Variants in GRM4 observed in about 807,000 individuals in gnomAD.
GRM4 encodes the protein metabotropic glutamate receptor 4.
In GRM4, 28 loss-of-function variants were observed where a neutral mutation model predicts 81.7. That is an observed-to-expected ratio of 0.34 (90% confidence interval 0.25 to 0.47). GRM4 has a LOEUF of 0.47. GRM4 is among the 20% of genes least tolerant of loss of function. GRM4 has a pLI of 1.00. For missense variants in GRM4, 948 were observed against 1,290.0 expected, an observed-to-expected ratio of 0.73 and a Z score of 4.06; for synonymous variants, 488 against 528.8, an observed-to-expected ratio of 0.92 and a Z score of 1.06.
chr6:34,135,115 A>C (rs1465330955), intron 1 of GRM4, among the ~76,000 whole-genome samples: 1 of 152,122 alleles, frequency 6.6e-6, no homozygotes, highest in Non-Finnish European at 1.5e-5. Flanking sequence ...TTGGAAGAGG[A>C]GCTTGTGTTG....
chr6:34,098,205 A>G (rs12206652), intron 2 of GRM4, among the ~76,000 whole-genome samples: 37,521 of 152,154 alleles, frequency 0.25, 5,034 homozygotes, highest in Admixed American at 0.31. Context: ...CAAATGCTAG[A>G]TATTCTTATT....
Position 34,092,038 on chromosome 6 carries a change from A to T in GRM4, c.581T>A (p.Phe194Tyr). The change falls in exon 3 of 11, where the codon TTC becomes TAC. Residue 194 changes from phenylalanine (F) to tyrosine (Y), a missense_variant. Coordinates refer to ENST00000538487, the MANE Select transcript of GRM4 (RefSeq NM_000841.4). The surrounding 1 kb of genome is among the most constrained non-coding windows in gnomAD (Gnocchi z 6.8). Reference protein sequence around the residue: ...PDLSDNSRYDFFSRVVPSDTY... With the variant: ...PDLSDNSRYDYFSRVVPSDTY... ...GTCCGAGGGCACCACGCGGGAGAAG[A>T]AGTCGTAGCGGCTGTTGTCACTCAG... 1.2e-6 allele frequency: 2 copies of T among 1,614,014 alleles called. No individual in the cohort carries two copies. Among genetic ancestry groups the T allele is most frequent in the Non-Finnish European group, 1.7e-6 (2 of 1,179,888 alleles).
rs576422783 is a variant in GRM4 at position 34,074,186 on chromosome 6, G to A, written c.737-12158C>T. Among the ~76,000 whole-genome samples, 112 of 152,244 alleles carry A rather than the reference G, an allele frequency of 7.4e-4. 6 individuals carry two copies. In the South Asian group the frequency reaches 0.023, roughly 31 times the overall value. On this transcript the variant is annotated intron_variant, in intron 3 of 10. Coordinates refer to ENST00000538487, the MANE Select transcript of GRM4 (RefSeq NM_000841.4). The surrounding 1 kb of genome is among the most constrained non-coding windows in gnomAD (Gnocchi z 4.9). ...CCAGACTAGTGTGATATGAGGAAGC[G>A]GAGTCTGGGCACAGACAGGGGCATG...
At chr6:34,044,053 T>C (rs1319063072) in intron 6 of GRM4, among the ~76,000 whole-genome samples, 3 of 149,964 alleles carry the variant, frequency 2.0e-5, no homozygotes, top group Admixed American at 2.0e-4. Flanking sequence ...CACATAGACA[T>C]ACATACATAC....
At chr6:34,142,674 C>G (rs982347504) in intron 1 of GRM4, among the ~76,000 whole-genome samples, 1 of 152,218 alleles carries the variant, frequency 6.6e-6, no homozygotes, top group Non-Finnish European at 1.5e-5. Context: ...GGCTAGCACA[C>G]TGCTCAGTTC....
At chr6:34,077,076 G>A (rs1262987860) in intron 3 of GRM4, among the ~76,000 whole-genome samples, 2 of 152,104 alleles carry the variant, frequency 1.3e-5, no homozygotes, top group Non-Finnish European at 2.9e-5. Context: ...GACATTTGGA[G>A]TGGGACAGCT....
At chr6:34,094,527 G>A (rs1768407250) in intron 2 of GRM4, among the ~76,000 whole-genome samples, 1 of 152,156 alleles carries the variant, frequency 6.6e-6, no homozygotes. Flanking sequence ...GTCTGAAAAT[G>A]GTATTAGAGT....
At chr6:34,138,821 G>A (rs773151631) in intron 1 of GRM4, among the ~76,000 whole-genome samples, 7 of 152,308 alleles carry the variant, frequency 4.6e-5, no homozygotes, top group Middle Eastern at 3.4e-3. Context: ...AATGAATGAC[G>A]TGATGTGAGC....
At chr6:34,155,391 C>T (rs1392620192) in exon 1 of GRM4, 5 of 1,489,290 alleles carry the variant, frequency 3.4e-6, no homozygotes, top group Non-Finnish European at 4.5e-6. Context: ...AAGCCGGCAT[C>T]CTCCCACTCT....
At chr6:34,150,402 A>G (rs1054930173), upstream of GRM4, among the ~76,000 whole-genome samples, 9 of 143,010 alleles carry the variant, frequency 6.3e-5, no homozygotes, top group Admixed American at 1.4e-4. Flanking sequence ...CAGGACAGAG[A>G]GTTAGAGGCT....
At chr6:34,066,540 CTT>C (rs1336796325) in intron 3 of GRM4, among the ~76,000 whole-genome samples, 1 of 151,886 alleles carries the variant, frequency 6.6e-6, no homozygotes, top group Admixed American at 6.6e-5. Flanking sequence ...GGGCGGGAGA[CTT>C]TGTCCGTTGT....
intron 8 of GRM4, among the ~76,000 whole-genome samples, chr6:34,039,111 G>A (rs1293014214): frequency 1.3e-5 from 2 of 152,148 alleles, no homozygotes; most frequent in Non-Finnish European, 2.9e-5. Context: ...TGTGCCCATC[G>A]CTCTCCACAC....
chr6:34,072,994 CAT>C (rs1703073381), intron 3 of GRM4, among the ~76,000 whole-genome samples: 1 of 44,536 alleles, frequency 2.2e-5, no homozygotes, highest in Admixed American at 2.4e-4. Flanking sequence ...CACACACACA[CAT>C]CACACAGATA....
At chr6:34,028,815 C>T (rs776791245) in intron 9 of GRM4, among the ~76,000 whole-genome samples, 1 of 152,120 alleles carries the variant, frequency 6.6e-6, no homozygotes, top group Non-Finnish European at 1.5e-5. Context: ...AGAGGAGCAC[C>T]CCTTGGTGCT....
Position 34,038,832 on chromosome 6 carries a change from C to G in GRM4, c.1506+1346G>C, listed in dbSNP as rs537327170. 8.5e-5 allele frequency among the ~76,000 whole-genome samples: 13 copies of G among 152,352 alleles called. 1 individual carries two copies. Among genetic ancestry groups the G allele is most frequent in the East Asian group, 5.8e-4 (3 of 5,188 alleles). ...AGGGGACTTTCAGGGGAAGGGCCCA[C>G]TGCCACCCACACGTGCCCAGTCCCT... On this transcript the variant is annotated intron_variant, in intron 8 of 10. Transcript: ENST00000538487.
At chr6:34,085,818 G>A (rs1269303590) in intron 3 of GRM4, among the ~76,000 whole-genome samples, 1 of 152,214 alleles carries the variant, frequency 6.6e-6, no homozygotes, top group African/African-American at 2.4e-5. Context: ...GGACTGGAGA[G>A]TAGGACGGAG....
intron 1 of GRM4, among the ~76,000 whole-genome samples, chr6:34,143,632 CAGAG>C (rs1358151037): frequency 5.3e-5 from 8 of 152,244 alleles, no homozygotes; most frequent in African/African-American, 1.9e-4. Flanking sequence ...CATGCAGAAC[CAGAG>C]CCTGAGGTTC....
chr6:34,078,288 C>G lies in GRM4; in HGVS notation c.736+13595G>C, dbSNP rs1565356. ...CTTCTGCTTCTTCTCTGTCTCCCCC[C>G]AAATACACACTCTCTTCGATCATTG... On this transcript the variant is annotated intron_variant, in intron 3 of 10. Coordinates refer to ENST00000538487, the MANE Select transcript of GRM4 (RefSeq NM_000841.4). This position sits in a 1 kb window ranked among gnomAD's most constrained non-coding sequence, Gnocchi z 4.8. Among the ~76,000 whole-genome samples the G allele has an allele frequency of 0.016, 2,458 of 152,102 alleles. 51 individuals carry two copies. The highest frequency in any genetic ancestry group is 0.054 in the African/African-American group (2,248 of 41,416).
rs76810289 is a variant in GRM4 at position 34,051,919 on chromosome 6, G to T, written c.1168+4625C>A. On this transcript the variant is annotated intron_variant, in intron 6 of 10. Transcript: ENST00000538487. ...GGTGAGGTAACCTGCCCAAGGCCAC[G>T]TGGCTGGGAAGTGGCAGCACCAGCA... 1.6e-4 allele frequency among the ~76,000 whole-genome samples: 24 copies of T among 152,302 alleles called. No individual in the cohort carries two copies. In the East Asian group the frequency reaches 4.4e-3, roughly 28 times the overall value.
Sources: gnomAD v4.1 joint callset for allele counts (sites outside exome capture counted in the v4.1 genomes callset) on GRCh38, gnomAD v4.1.1 for gene constraint, Gnocchi (gnomAD v3.1) non-coding constraint, MANE v1.5 for transcripts, NCBI Gene and HGNC (gene_info 2026-07-23, HGNC 2026-07-21) for gene names.